THSD4: variants seen among roughly 807,000 people sequenced by gnomAD.
THSD4 encodes the protein thrombospondin type 1 domain containing 4, also known as thrombospondin type-1 domain-containing protein 4.
Under a neutral mutation model 119.0 loss-of-function variants are expected in THSD4, and 69 were observed. The observed-to-expected ratio is 0.58, with a 90% CI of 0.48 to 0.71. The LOEUF (loss-of-function observed/expected upper bound fraction) is 0.71, where lower values mean the gene tolerates loss of function less well. Ranked by LOEUF, THSD4 falls within the 30% of genes least tolerant of loss-of-function variation. THSD4 has a pLI of 0.00. For missense variants in THSD4, 1,393 were observed against 1,391.1 expected (o/e 1.00, Z -0.02); for synonymous variants, 524 against 540.4 (o/e 0.97, Z 0.42).
intron 11 of THSD4, among the ~76,000 whole-genome samples, chr15:71,739,604 T>C (rs1213706644): frequency 2.0e-5 from 3 of 152,200 alleles, no homozygotes; most frequent in African/African-American, 7.2e-5. Context: ...ATTGCAAAGA[T>C]ACACCTATGA....
rs557694680 is a variant in THSD4 at position 71,503,862 on chromosome 15, C to T, written c.1152+92039C>T. Among the ~76,000 whole-genome samples, 4 of 152,310 alleles carry T rather than the reference C, an allele frequency of 2.6e-5. No homozygotes were observed. In the South Asian group the frequency reaches 8.3e-4, roughly 32 times the overall value. On this transcript the variant is annotated intron_variant, in intron 7 of 17. Transcript: ENST00000261862. ...GAATCCACTCCTGGAGCCAATCCTC[C>T]TAACTTTTTCAAAAGATGAAAATCA... is the stretch of plus-strand genomic sequence containing the variant.
intron 7 of THSD4, among the ~76,000 whole-genome samples, chr15:71,527,125 T>G (rs922833499): frequency 6.6e-6 from 1 of 152,170 alleles, no homozygotes; most frequent in Non-Finnish European, 1.5e-5. Flanking sequence ...TTTTTTGCCC[T>G]TCTGCCTTTC....
At chr15:71,251,535 A>G (rs2140283138) in intron 5 of THSD4, among the ~76,000 whole-genome samples, 1 of 152,284 alleles carries the variant, frequency 6.6e-6, no homozygotes, top group East Asian at 1.9e-4. Context: ...GTGCAGGGAC[A>G]TTTTCTAGAT....
At chr15:71,111,832 G>T (rs935088254), upstream of THSD4, 29 of 529,792 alleles carry the variant, frequency 5.5e-5, no homozygotes, top group African/African-American at 5.4e-4. Context: ...AGGTTTGTAA[G>T]AGCTGAGAGC....
At chr15:71,165,055 G>A in intron 3 of THSD4, 5 of 1,594,612 alleles carry the variant, frequency 3.1e-6, no homozygotes, top group Non-Finnish European at 4.3e-6. Context: ...CATCACCAAT[G>A]GACAGGCCAG....
intron 3 of THSD4, among the ~76,000 whole-genome samples, chr15:71,194,965 C>T (rs184797952): frequency 6.6e-4 from 100 of 152,142 alleles, no homozygotes; most frequent in African/African-American, 2.3e-3. Flanking sequence ...CCTGGTGTTC[C>T]GAAGCCCAGC....
intron 3 of THSD4, chr15:71,188,872 G>A (rs568408408): frequency 2.3e-3 from 355 of 152,786 alleles, no homozygotes; most frequent in African/African-American, 8.0e-3. Context: ...TTTCGGGAGT[G>A]AGTGACTCGC....
At chr15:71,448,231 A>G (rs1387729294) in intron 7 of THSD4, among the ~76,000 whole-genome samples, 3 of 152,216 alleles carry the variant, frequency 2.0e-5, no homozygotes, top group African/African-American at 7.2e-5. Context: ...GACTTGTATC[A>G]TATTGTCCAC....
Position 71,426,365 on chromosome 15 carries a change from CTGTGTG to C in THSD4, c.1152+14578_1152+14583del, listed in dbSNP as rs199965138. Among the ~76,000 whole-genome samples the C allele has an allele frequency of 1.9e-3, 193 of 102,550 alleles. 3 individuals are homozygous for C. In the South Asian group the frequency reaches 0.019, roughly 10 times the overall value. The allele number at this position is 102,550 out of a possible 152,430, so 67.3% of individuals were successfully genotyped here. On this transcript the variant is annotated intron_variant, in intron 7 of 17. Transcript: ENST00000261862. ...TGAATGTGTGCATTTGTAAGTATAGCTGTGTGTGTGTGTGTGTGTGTGTGTGTGTGT... is the reference window on the plus strand; with the variant it reads ...TGAATGTGTGCATTTGTAAGTATAGCTGTGTGTGTGTGTGTGTGTGTGTGT...
chr15:71,549,458 T>G (rs554082111), intron 7 of THSD4: 7 of 152,284 alleles, frequency 4.6e-5, no homozygotes, highest in Admixed American at 1.3e-4. Context: ...TTTTCCTTCT[T>G]GGAAATGAAA....
At position 71,150,258 on chromosome 15, in the gene THSD4, T is replaced by A. The variant is rs1351396530; in HGVS notation, c.30-4605T>A. ...CATTCTCCAAACATTAATTTTGAATTGGGTCAGGAGGAACAAGGATTTGGG... is the reference window on the plus strand; with the variant it reads ...CATTCTCCAAACATTAATTTTGAATAGGGTCAGGAGGAACAAGGATTTGGG... On this transcript the variant is annotated intron_variant, in intron 2 of 17. Coordinates refer to ENST00000261862, the MANE Select transcript of THSD4 (RefSeq NM_024817.3). Among the ~76,000 whole-genome samples, 6 of 152,296 alleles carry A rather than the reference T, an allele frequency of 3.9e-5. No homozygotes were observed. In the South Asian group the frequency reaches 1.2e-3, roughly 32 times the overall value.
intron 3 of THSD4, chr15:71,164,942 A>G: frequency 6.3e-7 from 1 of 1,589,180 alleles, no homozygotes; most frequent in Non-Finnish European, 8.6e-7. Context: ...ATATGCAGCA[A>G]TATCCTTTTC....
chr15:71,586,042 G>A (rs1428659202), intron 7 of THSD4, among the ~76,000 whole-genome samples: 1 of 151,972 alleles, frequency 6.6e-6, no homozygotes, highest in Non-Finnish European at 1.5e-5. Context: ...TGATTATTTT[G>A]AATTCTTTGT....
chr15:71,649,538 A>G (rs1341627192), intron 7 of THSD4, among the ~76,000 whole-genome samples: 1 of 152,062 alleles, frequency 6.6e-6, no homozygotes, highest in African/African-American at 2.4e-5. Flanking sequence ...CAGCCTCCCA[A>G]ATTGCTAGGA....
chr15:71,202,538 T>C (rs1350334229), intron 3 of THSD4, among the ~76,000 whole-genome samples: 1 of 152,224 alleles, frequency 6.6e-6, no homozygotes, highest in Non-Finnish European at 1.5e-5. Context: ...TCTTGAAGGC[T>C]ACTGTTTTAT....
intron 7 of THSD4, among the ~76,000 whole-genome samples, chr15:71,616,540 G>C (rs982523477): frequency 6.6e-6 from 1 of 152,224 alleles, no homozygotes; most frequent in African/African-American, 2.4e-5. Flanking sequence ...ACAAGTGGTG[G>C]CAACAGTGCC....
intron 16 of THSD4, among the ~76,000 whole-genome samples, chr15:71,770,589 A>T (rs1431569132): frequency 6.6e-6 from 1 of 152,142 alleles, no homozygotes; most frequent in African/African-American, 2.4e-5. Context: ...TGGGAGGTGG[A>T]GGTTGCAGCA....
chr15:71,514,418 C>G lies in THSD4; in HGVS notation c.1152+102595C>G, dbSNP rs567945828. 1.4e-3 allele frequency among the ~76,000 whole-genome samples: 213 copies of G among 152,266 alleles called. 6 individuals carry two copies. In the South Asian group the frequency reaches 0.042, roughly 30 times the overall value. ...GTAGAGAAGGTATTAAAGTTATTCT[C>G]TTGTTGGTATCCAAATGGGATTTTT... is the stretch of plus-strand genomic sequence containing the variant. On this transcript the variant is annotated intron_variant, in intron 7 of 17. Coordinates refer to ENST00000261862, the MANE Select transcript of THSD4 (RefSeq NM_024817.3).
chr15:71,740,713 G>A (rs1243983700), intron 11 of THSD4, among the ~76,000 whole-genome samples: 5 of 152,238 alleles, frequency 3.3e-5, no homozygotes, highest in Non-Finnish European at 5.9e-5. Context: ...TTTAAAGAAA[G>A]CAAGGTTTTG....
Sources: allele counts gnomAD v4.1 joint callset (sites outside exome capture counted in the v4.1 genomes callset), GRCh38; gene constraint gnomAD v4.1.1; transcripts MANE v1.5; gene names NCBI Gene and HGNC (gene_info 2026-07-23, HGNC 2026-07-21).